FBXO4: variants seen among roughly 807,000 people sequenced by gnomAD.
The protein encoded by FBXO4 is F-box protein 4.
FBXO4 carries 36 observed loss-of-function variants against 43.7 expected under a neutral mutation model. The ratio of observed to expected loss-of-function variants is 0.82; its 90% CI spans 0.63 to 1.09. The LOEUF is 1.09. Ranked by LOEUF, FBXO4 falls within the 50% of genes least tolerant of loss-of-function variation. The pLI, the probability that FBXO4 is intolerant of heterozygous loss-of-function variation, is 0.00. For missense variants in FBXO4, 435 were observed against 474.1 expected (o/e 0.92, Z 0.77); for synonymous variants, 180 against 165.6 (o/e 1.09, Z -0.67).
rs1440638268 is a variant in FBXO4 at position 41,941,386 on chromosome 5, T to TA, written c.*106dup. ...CCACCTTGTCCTGCCTTTTTGCAGA[T>TA]AGGCTTTCATTTGGACAGCTATAAC... On this transcript the variant is annotated 3_prime_UTR_variant, in exon 7 of 7. Coordinates refer to ENST00000281623, the MANE Select transcript of FBXO4 (RefSeq NM_012176.3). The TA allele has an allele frequency of 3.9e-5, 34 of 871,310 alleles. No homozygotes were observed. The highest frequency in any genetic ancestry group is 5.8e-5 in the Non-Finnish European group (31 of 529,978). 54.0% of individuals were successfully genotyped at this position (871,310 alleles called of 1,614,324 possible). A position where few individuals can be genotyped will look rare whatever the true frequency, so the allele number is the denominator to read the frequency against.
the FBXO4 span, among the ~76,000 whole-genome samples, chr5:41,988,121 G>A: frequency 8.5e-5 from 13 of 152,250 alleles, no homozygotes; most frequent in South Asian, 8.3e-4. Flanking sequence ...TAACATGTGG[G>A]GGGGAGAGAA....
At chr5:42,039,125 C>T in the FBXO4 span, among the ~76,000 whole-genome samples, 4 of 151,952 alleles carry the variant, frequency 2.6e-5, no homozygotes, top group Admixed American at 2.6e-4. Flanking sequence ...GTAAAGTGAC[C>T]TTGTTCTTTG....
At chr5:41,973,720 C>T in the FBXO4 span, among the ~76,000 whole-genome samples, 1 of 152,138 alleles carries the variant, frequency 6.6e-6, no homozygotes, top group Non-Finnish European at 1.5e-5. Context: ...ATCATTTGAT[C>T]CAGCAATCCC....
At chr5:41,961,381 T>C in the FBXO4 span, among the ~76,000 whole-genome samples, 1 of 152,192 alleles carries the variant, frequency 6.6e-6, no homozygotes, top group African/African-American at 2.4e-5. Flanking sequence ...GCAGTGGCAC[T>C]GGTGTCTGAT....
At chr5:41,926,248 A>G (rs943048007) in intron 1 of FBXO4, among the ~76,000 whole-genome samples, 2 of 152,194 alleles carry the variant, frequency 1.3e-5, no homozygotes, top group African/African-American at 4.8e-5. Flanking sequence ...GTTTTTCATA[A>G]CATTTTAATA....
chr5:41,934,480 T>A, intron 5 of FBXO4, 172 bp downstream of exon 5: 1 of 1,437,118 alleles, frequency 7.0e-7, no homozygotes, highest in Non-Finnish European at 9.1e-7. Flanking sequence ...TGTATTAGGA[T>A]CACCTGGGAA....
At chr5:42,029,314 G>T in the FBXO4 span, among the ~76,000 whole-genome samples, 31 of 152,076 alleles carry the variant, frequency 2.0e-4, no homozygotes, top group Admixed American at 1.9e-3. Context: ...GCTGCCAGAC[G>T]TATTGCAGCT....
At chr5:42,009,175 C>A in the FBXO4 span, among the ~76,000 whole-genome samples, 1 of 152,112 alleles carries the variant, frequency 6.6e-6, no homozygotes, top group Non-Finnish European at 1.5e-5. Flanking sequence ...TATTTCTAAG[C>A]ACTAACACCT....
chr5:41,999,546 T>TATAC, the FBXO4 span, among the ~76,000 whole-genome samples: 1 of 73,604 alleles, frequency 1.4e-5, no homozygotes, highest in Non-Finnish European at 2.6e-5. Flanking sequence ...CATATATATG[T>TATAC]ATATATATAT....
the FBXO4 span, among the ~76,000 whole-genome samples, chr5:41,976,667 G>A: frequency 6.6e-6 from 1 of 152,188 alleles, no homozygotes; most frequent in African/African-American, 2.4e-5. Context: ...GCTTTGCAGG[G>A]TGAAGCCCCT....
At chr5:41,964,728 T>C in the FBXO4 span, among the ~76,000 whole-genome samples, 5 of 151,738 alleles carry the variant, frequency 3.3e-5, no homozygotes, top group South Asian at 1.0e-3. Context: ...GTTGATGGGG[T>C]TGTTTGTTTT....
chr5:41,994,845 G>A, the FBXO4 span, among the ~76,000 whole-genome samples: 2 of 152,056 alleles, frequency 1.3e-5, no homozygotes, highest in East Asian at 1.9e-4. Flanking sequence ...ATGTAATGTC[G>A]TGGGAACAGG....
chr5:41,989,195 C>A, the FBXO4 span, among the ~76,000 whole-genome samples: 1 of 152,040 alleles, frequency 6.6e-6, no homozygotes, highest in Non-Finnish European at 1.5e-5. Flanking sequence ...AGCAGGGTAG[C>A]TTGTAAATTA....
the FBXO4 span, among the ~76,000 whole-genome samples, chr5:41,949,323 C>T: frequency 2.0e-5 from 3 of 152,112 alleles, no homozygotes; most frequent in Non-Finnish European, 1.5e-5. Flanking sequence ...AAAACCTCAT[C>T]GTCTCAGCCC....
chr5:41,926,974 T>C, intron 1 of FBXO4, 39 bp from the exon 2 acceptor site: 1 of 1,336,792 alleles, frequency 7.5e-7, no homozygotes, highest in South Asian at 1.4e-5. Context: ...ACTATTTTCT[T>C]CATTCCTTTT....
At chr5:41,999,527 A>ATATG in the FBXO4 span, among the ~76,000 whole-genome samples, 17 of 113,144 alleles carry the variant, frequency 1.5e-4, 1 homozygote, top group South Asian at 4.9e-4. Context: ...ATATATACAT[A>ATATG]TATATATACA....
At chr5:41,975,887 G>A in the FBXO4 span, among the ~76,000 whole-genome samples, 2 of 152,112 alleles carry the variant, frequency 1.3e-5, no homozygotes, top group Non-Finnish European at 2.9e-5. Context: ...GGTTCTGTAG[G>A]CTGTATGAGA....
At chr5:41,966,412 C>G in the FBXO4 span, among the ~76,000 whole-genome samples, 2 of 151,992 alleles carry the variant, frequency 1.3e-5, no homozygotes, top group African/African-American at 4.8e-5. Flanking sequence ...TAGCAAAAGC[C>G]AAGTATGACA....
chr5:41,949,946 C>G, the FBXO4 span, among the ~76,000 whole-genome samples: 80 of 152,158 alleles, frequency 5.3e-4, no homozygotes, highest in Non-Finnish European at 9.9e-4. Context: ...ACAAACCTGA[C>G]AAAAACAAGC....
Sources: allele counts gnomAD v4.1 joint callset (sites outside exome capture counted in the v4.1 genomes callset), GRCh38; gene constraint gnomAD v4.1.1; transcripts MANE v1.5; gene names NCBI Gene and HGNC (gene_info 2026-07-23, HGNC 2026-07-21).